Variants in PDE7B observed in about 807,000 individuals in gnomAD.
The protein encoded by PDE7B is phosphodiesterase 7B.
Under a neutral mutation model 56.2 loss-of-function variants are expected in PDE7B, and 29 were observed. That is an observed-to-expected ratio of 0.52 (90% CI 0.38 to 0.70). The LOEUF (loss-of-function observed/expected upper bound fraction) is 0.70. Ranked by LOEUF, PDE7B falls within the 30% of genes least tolerant of loss-of-function variation. The pLI is 0.00. For synonymous variants in PDE7B, 197 were observed against 196.9 expected, an observed-to-expected ratio of 1.00 and a Z score of 0.00; for missense variants, 490 against 565.0, an observed-to-expected ratio of 0.87 and a Z score of 1.35.
At chr6:136,038,640 TGAGGGC>T (rs1562476725) in intron 2 of PDE7B, 2 of 764,088 alleles carry the variant, frequency 2.6e-6, no homozygotes, top group East Asian at 1.3e-4. Context: ...GCATCAGGTC[TGAGGGC>T]TGTGACTTCC....
chr6:136,067,405 CA>C (rs1484058432), intron 2 of PDE7B, among the ~76,000 whole-genome samples: 1 of 152,158 alleles, frequency 6.6e-6, no homozygotes, highest in African/African-American at 2.4e-5. Context: ...TGCCCACTTT[CA>C]AATCCCTACT....
rs1441858939 is a variant in PDE7B, at chr6:135,969,523, G to T, written c.82+21999G>T. 4.6e-5 allele frequency among the ~76,000 whole-genome samples: 7 copies of T among 152,144 alleles called. No individual in the cohort carries two copies. The East Asian group carries it at 1.2e-3, about 25-fold the overall frequency. On this transcript the variant is annotated intron_variant, in intron 2 of 12. Transcript: ENST00000308191. ...AAGAGAAAAAAACAAGCAAAGGGGA[G>T]AGGATTCCCTATTTATTAATGGTGC...
intron 2 of PDE7B, among the ~76,000 whole-genome samples, chr6:135,950,885 A>C (rs1005821536): frequency 6.6e-6 from 1 of 152,188 alleles, no homozygotes; most frequent in Non-Finnish European, 1.5e-5. Context: ...CCGTTAAATG[A>C]GACATAAGTG....
At chr6:136,047,916 A>G (rs7765191) in intron 2 of PDE7B, among the ~76,000 whole-genome samples, 17,889 of 152,216 alleles carry the variant, frequency 0.12, 2,279 homozygotes, top group African/African-American at 0.32. Flanking sequence ...GCTTTACAAT[A>G]AAGTGGAAAT....
At chr6:136,037,746 C>T (rs113412346) in intron 2 of PDE7B, 8 of 985,450 alleles carry the variant, frequency 8.1e-6, no homozygotes, top group African/African-American at 7.0e-5. Flanking sequence ...AGGGGAAGCC[C>T]CGCTTCTTTG....
chr6:136,037,322 A>T (rs1583841059), intron 2 of PDE7B: 1 of 665,444 alleles, frequency 1.5e-6, no homozygotes, highest in African/African-American at 2.0e-5. Context: ...CATCTTTCGG[A>T]GTTAACTGTG....
chr6:135,901,073 G>A (rs950573883), intron 1 of PDE7B, among the ~76,000 whole-genome samples: 2 of 152,120 alleles, frequency 1.3e-5, no homozygotes, highest in African/African-American at 4.8e-5. Context: ...GACGTTTAAC[G>A]AAGAAATTAA....
At chr6:135,958,735 T>G (rs376916233) in intron 2 of PDE7B, among the ~76,000 whole-genome samples, 4 of 152,286 alleles carry the variant, frequency 2.6e-5, no homozygotes, top group African/African-American at 9.6e-5. Flanking sequence ...CATATCTAAT[T>G]GCCAAAATAT....
In PDE7B at chr6:135,959,271, A is replaced by G. The variant is rs374124209; in HGVS notation, c.82+11747A>G. On this transcript the variant is annotated intron_variant, in intron 2 of 12. Transcript: ENST00000308191. Reference sequence around the variant, plus strand: ...GAATAGCACCATCCTCATTTTTTCAATGATAATCATATACTACAAATCTGA... The same window carrying G: ...GAATAGCACCATCCTCATTTTTTCAGTGATAATCATATACTACAAATCTGA... Among the ~76,000 whole-genome samples, 14 of 152,316 alleles carry G rather than the reference A, an allele frequency of 9.2e-5. 1 individual carries two copies. The highest frequency in any genetic ancestry group is 5.2e-4 in the Admixed American group (8 of 15,292).
chr6:136,057,548 A>T (rs887065777), intron 2 of PDE7B, among the ~76,000 whole-genome samples: 1 of 152,236 alleles, frequency 6.6e-6, no homozygotes, highest in African/African-American at 2.4e-5. Flanking sequence ...AATTTTGTAC[A>T]CACAATGTTG....
intron 1 of PDE7B, among the ~76,000 whole-genome samples, chr6:135,921,245 G>T (rs2128195397): frequency 6.6e-6 from 1 of 152,248 alleles, no homozygotes; most frequent in South Asian, 2.1e-4. Flanking sequence ...GCAGCATGCA[G>T]ATGACAAGGG....
chr6:136,147,168 A>AG (rs1006396398), intron 3 of PDE7B, among the ~76,000 whole-genome samples, 183 bp from the exon 4 acceptor site: 2 of 152,048 alleles, frequency 1.3e-5, no homozygotes, highest in Admixed American at 6.6e-5. Flanking sequence ...AAAATTAAAA[A>AG]AAAAACAAAT....
At chr6:136,023,013 C>T (rs1372130715) in intron 2 of PDE7B, among the ~76,000 whole-genome samples, 1 of 152,058 alleles carries the variant, frequency 6.6e-6, no homozygotes, top group African/African-American at 2.4e-5. Flanking sequence ...AAAACCAGCT[C>T]ACTCTTCCAT....
At chr6:136,053,755 C>G (rs1032847927) in intron 2 of PDE7B, among the ~76,000 whole-genome samples, 6 of 152,116 alleles carry the variant, frequency 3.9e-5, no homozygotes, top group African/African-American at 1.4e-4. Context: ...GCCATTCTAA[C>G]TGGTGTGAGA....
At chr6:136,190,061 TCA>T (rs925050960) in intron 12 of PDE7B, among the ~76,000 whole-genome samples, 14 of 152,230 alleles carry the variant, frequency 9.2e-5, no homozygotes, top group African/African-American at 3.4e-4. Context: ...TGATAAATAT[TCA>T]CACTTTGAAC....
In PDE7B at chr6:136,154,004, A is replaced by G. The variant is rs534884904; in HGVS notation, c.479-71A>G. 8.1e-5 allele frequency: 78 copies of G among 958,952 alleles called. 2 individuals carry two copies. The South Asian group carries it at 1.1e-3, about 13-fold the overall frequency. The allele number at this position is 958,952 out of a possible 1,614,324, so 59.4% of individuals were successfully genotyped here. On this transcript the variant is annotated intron_variant, in intron 6 of 12. Transcript: ENST00000308191. The stretch of plus-strand genomic sequence containing the variant: ...TGATATTTTTAAGCAAAAAGCACCC[A>G]CAGTAAGTCTAAGCTAGTATACCAC...
chr6:136,007,749 T>G (rs1775813645), intron 2 of PDE7B, among the ~76,000 whole-genome samples: 1 of 152,064 alleles, frequency 6.6e-6, no homozygotes, highest in Admixed American at 6.6e-5. Context: ...TTTTCTAGTT[T>G]GTGTGCATAG....
intron 2 of PDE7B, among the ~76,000 whole-genome samples, chr6:136,031,512 G>C (rs376715647): frequency 4.6e-5 from 7 of 152,122 alleles, no homozygotes; most frequent in Non-Finnish European, 8.8e-5. Context: ...GGCCGAGGCG[G>C]GCGGATCACG....
chr6:136,006,070 T>C (rs370443244), intron 2 of PDE7B, among the ~76,000 whole-genome samples: 5 of 150,448 alleles, frequency 3.3e-5, no homozygotes, highest in African/African-American at 4.9e-5. Context: ...ATGGATGAAA[T>C]TGGAAATCAT....
Sources: gnomAD v4.1 joint callset for allele counts (sites outside exome capture counted in the v4.1 genomes callset) on GRCh38, gnomAD v4.1.1 for gene constraint, MANE v1.5 for transcripts, NCBI Gene and HGNC (gene_info 2026-07-23, HGNC 2026-07-21) for gene names.